Variants in TMPRSS9 observed in about 807,000 individuals in gnomAD.
The protein encoded by TMPRSS9 is transmembrane serine protease 9.
Under a neutral mutation model 111.4 loss-of-function variants are expected in TMPRSS9, and 113 were observed. That is an observed-to-expected ratio of 1.01 (90% CI 0.87 to 1.19). The LOEUF (loss-of-function observed/expected upper bound fraction) is 1.19. Ranked by LOEUF, TMPRSS9 falls within the 50% of genes most tolerant of loss-of-function variation. The pLI, the probability that TMPRSS9 is intolerant of heterozygous loss-of-function variation, is 0.00. For synonymous variants in TMPRSS9, 805 were observed against 659.1 expected (o/e 1.22, Z -3.39); for missense variants, 1,803 against 1,513.1 (o/e 1.19, Z -3.18).
At chr19:2,372,196 T>G (rs1463903156) in intron 1 of TMPRSS9, among the ~76,000 whole-genome samples, 3 of 152,134 alleles carry the variant, frequency 2.0e-5, no homozygotes, top group African/African-American at 7.2e-5. Context: ...GCAGTTCAGA[T>G]CTGAGATCCC....
At chr19:2,368,517 G>A (rs531498767) in intron 1 of TMPRSS9, among the ~76,000 whole-genome samples, 5 of 152,200 alleles carry the variant, frequency 3.3e-5, no homozygotes, top group Non-Finnish European at 5.9e-5. Flanking sequence ...AGTTAGACCC[G>A]GTCGCTGTGG....
rs777686758 is a variant in TMPRSS9 at position 2,410,360 on chromosome 19, C to G, written c.1220C>G (p.Ala407Gly). Residue 407 changes from alanine to glycine, a missense_variant, in exon 9 of 18, where the codon GCT (alanine) becomes GGT (glycine). Coordinates refer to ENST00000648592, the Ensembl canonical transcript of TMPRSS9. ...TCACTCACTGACAGGATGGTGTGCG[C>G]TGGCTACCTGGACGGGAAGGTGGAC... 2.0e-5 allele frequency: 33 copies of G among 1,613,926 alleles called. No homozygotes were observed. Among genetic ancestry groups the G allele is most frequent in the Non-Finnish European group, 2.7e-5 (32 of 1,179,998 alleles).
chr19:2,413,718 C>T (rs1458888711), exon 10 of TMPRSS9: 2 of 1,610,974 alleles, frequency 1.2e-6, no homozygotes, highest in East Asian at 2.2e-5. Context: ...AGGAGGACCC[C>T]TGGTCTGCGA....
At chr19:2,381,882 G>A (rs941563325) in intron 1 of TMPRSS9, among the ~76,000 whole-genome samples, 6 of 152,056 alleles carry the variant, frequency 3.9e-5, no homozygotes, top group Non-Finnish European at 8.8e-5. Context: ...TCGCTCTGTC[G>A]CCCAGGCTTG....
intron 4 of TMPRSS9, among the ~76,000 whole-genome samples, chr19:2,401,520 G>A (rs1397558519): frequency 6.6e-6 from 1 of 152,166 alleles, no homozygotes; most frequent in Non-Finnish European, 1.5e-5. Context: ...CTCGCTGATT[G>A]AAGGCAGAAT....
intron 7 of TMPRSS9, 89 bp from the exon 9 acceptor site, chr19:2,408,267 T>TA (rs1229454907): frequency 1.4e-5 from 19 of 1,345,720 alleles, no homozygotes; most frequent in Non-Finnish European, 1.9e-5. Flanking sequence ...GGATACCCCT[T>TA]ACATTTTGCA....
chr19:2,372,620 C>T (rs146652645), intron 1 of TMPRSS9, among the ~76,000 whole-genome samples: 5 of 152,278 alleles, frequency 3.3e-5, no homozygotes, highest in East Asian at 1.9e-4. Context: ...TGAATTAAAA[C>T]GCTCGCTTGT....
intron 1 of TMPRSS9, among the ~76,000 whole-genome samples, chr19:2,391,648 G>C (rs1186878285): frequency 1.3e-5 from 2 of 151,794 alleles, no homozygotes; most frequent in Non-Finnish European, 2.9e-5. Context: ...CAGGGGCGGG[G>C]CAGAGTTTCT....
At chr19:2,387,189 C>G (rs140692823), upstream of TMPRSS9, among the ~76,000 whole-genome samples, 1 of 151,968 alleles carries the variant, frequency 6.6e-6, no homozygotes, top group African/African-American at 2.4e-5. Flanking sequence ...AGATTCCCCT[C>G]TCTACAAAAA....
At chr19:2,409,139 AT>A (rs534247160) in intron 8 of TMPRSS9, among the ~76,000 whole-genome samples, 3,133 of 131,260 alleles carry the variant, frequency 0.024, 90 homozygotes, top group African/African-American at 0.076. Context: ...TGCTACTGCG[AT>A]TTTTTTTTTT....
chr19:2,412,911 C>T (rs537665397), intron 9 of TMPRSS9, among the ~76,000 whole-genome samples: 4 of 152,096 alleles, frequency 2.6e-5, no homozygotes, highest in Non-Finnish European at 4.4e-5. Flanking sequence ...ATGTAAGAGT[C>T]GGCCAGGCAC....
intron 1 of TMPRSS9, among the ~76,000 whole-genome samples, chr19:2,378,234 A>C (rs549622842): frequency 6.6e-6 from 1 of 152,222 alleles, no homozygotes; most frequent in South Asian, 2.1e-4. Context: ...GCAGGACAAA[A>C]ATAGACTCAG....
intron 10 of TMPRSS9, among the ~76,000 whole-genome samples, chr19:2,415,261 C>T (rs1483800592): frequency 6.6e-6 from 1 of 152,028 alleles, no homozygotes; most frequent in Non-Finnish European, 1.5e-5. Context: ...CATTTCAGTT[C>T]ACCTACACCC....
At chr19:2,406,438 TGCCTC>T (rs1381006956) in intron 7 of TMPRSS9, among the ~76,000 whole-genome samples, 1 of 152,144 alleles carries the variant, frequency 6.6e-6, no homozygotes, top group Admixed American at 6.6e-5. Flanking sequence ...GCAATTCTCT[TGCCTC>T]AGCCTCCCAA....
At chr19:2,425,096 C>T (rs1971579134) in exon 16 of TMPRSS9, 22 of 1,583,220 alleles carry the variant, frequency 1.4e-5, no homozygotes, top group Non-Finnish European at 1.9e-5. Context: ...CATCTACAAG[C>T]ACCCGTTCTA....
exon 14 of TMPRSS9, chr19:2,422,036 C>T: frequency 2.5e-6 from 4 of 1,612,844 alleles, no homozygotes; most frequent in Middle Eastern, 1.7e-4. Flanking sequence ...TGTCTCCCCC[C>T]TCGACCACAA....
At chr19:2,388,644 A>C (rs981409083), upstream of TMPRSS9, among the ~76,000 whole-genome samples, 4 of 152,090 alleles carry the variant, frequency 2.6e-5, no homozygotes, top group Admixed American at 6.6e-5. Context: ...TCTTTGAGAC[A>C]GGGTCTGGCT....
chr19:2,399,084 G>A, exon 4 of TMPRSS9: 1 of 1,613,690 alleles, frequency 6.2e-7, no homozygotes, highest in Non-Finnish European at 8.5e-7. Flanking sequence ...TCCAGACGCT[G>A]AGCCTGGGCC....
At chr19:2,399,777 A>G (rs1599294361) in intron 4 of TMPRSS9, among the ~76,000 whole-genome samples, 1 of 151,908 alleles carries the variant, frequency 6.6e-6, no homozygotes, top group African/African-American at 2.4e-5. Flanking sequence ...GAGTGCAATA[A>G]TGAAGTCTTG....
Sources: gnomAD v4.1 joint callset for allele counts (sites outside exome capture counted in the v4.1 genomes callset) on GRCh38, gnomAD v4.1.1 for gene constraint, MANE v1.5 for transcripts, NCBI Gene and HGNC (gene_info 2026-07-23, HGNC 2026-07-21) for gene names.